BCHE: variants seen among roughly 807,000 people sequenced by gnomAD.
The protein encoded by BCHE is butyrylcholinesterase, also known as cholinesterase.
In BCHE, 48 loss-of-function variants were observed where a neutral mutation model predicts 51.3. That is an observed-to-expected ratio of 0.94 (90% CI 0.74 to 1.19). The LOEUF (loss-of-function observed/expected upper bound fraction) is 1.19. BCHE is among the 50% of genes most tolerant of loss of function. The probability of loss-of-function intolerance (pLI) is 0.00; values close to 1 mark genes in which losing one functional copy is unlikely to be tolerated. For missense variants in BCHE, 847 were observed against 708.2 expected (o/e 1.20, Z -2.23); for synonymous variants, 251 against 238.0 (o/e 1.05, Z -0.50).
At chr3:165,808,803 T>A (rs1364510127) in intron 2 of BCHE, among the ~76,000 whole-genome samples, 2 of 152,116 alleles carry the variant, frequency 1.3e-5, no homozygotes, top group African/African-American at 4.8e-5. Flanking sequence ...GTGGTTACTT[T>A]ATTTCTGACA....
At chr3:165,791,054 T>C (rs570733459) in intron 2 of BCHE, among the ~76,000 whole-genome samples, 13 of 152,202 alleles carry the variant, frequency 8.5e-5, no homozygotes, top group African/African-American at 2.6e-4. Flanking sequence ...TCCAGCACTT[T>C]GGGAGGCCGA....
intron 2 of BCHE, among the ~76,000 whole-genome samples, chr3:165,827,785 A>G (rs1258353991): frequency 1.3e-5 from 2 of 152,136 alleles, no homozygotes; most frequent in East Asian, 3.8e-4. Context: ...TAATTCTAAT[A>G]CACCTCTAAA....
Position 165,830,617 on chromosome 3 carries a change from T to C in BCHE, c.417A>G (p.Ile139Met), listed in dbSNP as rs1714934216. The part of the protein sequence containing the change: ...APKPKNATVL[I>M]WIYGGGFQTG... Reference sequence around the variant, plus strand: ...TTTGAAAACCACCACCATAAATCCATATCAATACAGTGGCATTTTTTGGTT... The same window carrying C: ...TTTGAAAACCACCACCATAAATCCACATCAATACAGTGGCATTTTTTGGTT... The change falls in exon 2 of 4, where the codon ATA (isoleucine) becomes ATG (methionine). Residue 139 changes from isoleucine (I) to methionine (M), a missense_variant. Coordinates refer to ENST00000264381, the MANE Select transcript of BCHE (RefSeq NM_000055.4). 1 of 1,613,846 alleles carries C rather than the reference T, an allele frequency of 6.2e-7. No individual in the cohort carries two copies. Among genetic ancestry groups the C allele is most frequent in the Non-Finnish European group, 8.5e-7 (1 of 1,179,948 alleles).
At chr3:165,811,913 C>T (rs1474043641) in intron 2 of BCHE, among the ~76,000 whole-genome samples, 1 of 151,958 alleles carries the variant, frequency 6.6e-6, no homozygotes, top group Non-Finnish European at 1.5e-5. Context: ...AAGCCCATTT[C>T]AAAGCATATC....
intron 2 of BCHE, among the ~76,000 whole-genome samples, chr3:165,824,419 A>G (rs549050097): frequency 6.6e-6 from 1 of 152,130 alleles, no homozygotes; most frequent in African/African-American, 2.4e-5. Context: ...AATTTCCTAA[A>G]TTTGACGAAG....
At chr3:165,790,170 G>T (rs1283318620) in intron 2 of BCHE, among the ~76,000 whole-genome samples, 4 of 152,080 alleles carry the variant, frequency 2.6e-5, no homozygotes, top group African/African-American at 9.7e-5. Flanking sequence ...GAGACTTTTA[G>T]CCATGTGATA....
intron 2 of BCHE, among the ~76,000 whole-genome samples, chr3:165,797,898 A>G (rs1713481750): frequency 6.6e-6 from 1 of 152,160 alleles, no homozygotes; most frequent in Non-Finnish European, 1.5e-5. Context: ...GGGAAATAAT[A>G]CTCCAAGAAA....
chr3:165,821,277 G>T (rs778991685), intron 2 of BCHE, among the ~76,000 whole-genome samples: 2 of 151,462 alleles, frequency 1.3e-5, no homozygotes, highest in African/African-American at 2.4e-5. Context: ...TTAATTTCTT[G>T]GTGAAGGGAT....
intron 3 of BCHE, among the ~76,000 whole-genome samples, chr3:165,781,975 T>A (rs967706088): frequency 1.3e-5 from 2 of 152,158 alleles, no homozygotes; most frequent in Non-Finnish European, 2.9e-5. Flanking sequence ...CAACTCATAT[T>A]GTTGACCTGA....
chr3:165,834,684 G>C (rs373893829), intron 1 of BCHE, among the ~76,000 whole-genome samples: 2 of 151,686 alleles, frequency 1.3e-5, no homozygotes, highest in Admixed American at 1.3e-4. Flanking sequence ...TTGAGCAATC[G>C]AAAGAGAAAT....
chr3:165,824,016 G>C (rs538782710), intron 2 of BCHE, among the ~76,000 whole-genome samples: 11 of 150,820 alleles, frequency 7.3e-5, no homozygotes, highest in Admixed American at 7.3e-4. Flanking sequence ...GCTTCAAGCA[G>C]TCCTCCTGCC....
chr3:165,784,849 A>C (rs3796266), intron 3 of BCHE, among the ~76,000 whole-genome samples: 1 of 151,852 alleles, frequency 6.6e-6, no homozygotes, highest in East Asian at 1.9e-4. Flanking sequence ...ATAAAGATTA[A>C]TAATATATAG....
chr3:165,782,349 A>AT (rs1391583057), intron 3 of BCHE, among the ~76,000 whole-genome samples: 2 of 152,088 alleles, frequency 1.3e-5, no homozygotes, highest in Non-Finnish European at 2.9e-5. Context: ...ATGGGAATCA[A>AT]TTTTTTGTTT....
chr3:165,802,971 G>A (rs1179107048), intron 2 of BCHE, among the ~76,000 whole-genome samples: 1 of 151,984 alleles, frequency 6.6e-6, no homozygotes, highest in East Asian at 1.9e-4. Flanking sequence ...TTGATCTCCT[G>A]ACCTCGTGAT....
chr3:165,777,924 A>G (rs2108195473), intron 3 of BCHE: 2 of 205,154 alleles, frequency 9.7e-6, no homozygotes. Context: ...TTATAATAAT[A>G]TAGCATATAA....
At chr3:165,780,759 CA>C (rs1712664876) in intron 3 of BCHE, among the ~76,000 whole-genome samples, 1 of 152,088 alleles carries the variant, frequency 6.6e-6, no homozygotes, top group East Asian at 1.9e-4. Context: ...AGTCAAGAAA[CA>C]ATAGATGCTG....
intron 2 of BCHE, 145 bp downstream of exon 2, chr3:165,829,372 A>G: frequency 1.3e-6 from 1 of 765,278 alleles, no homozygotes; most frequent in Non-Finnish European, 2.2e-6. Flanking sequence ...TTCATAAGAA[A>G]AAATAAAACC....
At position 165,830,466 on chromosome 3, in the gene BCHE, C is replaced by A. The variant is rs1360332028; in HGVS notation, c.568G>T (p.Ala190Ser). Residue 190 changes from alanine to serine, a missense_variant, in exon 2 of 4, where the codon GCT becomes TCT. Transcript: ENST00000264381. ...TCAAATAAACCCATGTTCCCTGGAG[C>A]CTCAGGATTTCCTGGCAAAGCTAAG... ...GFLALPGNPE[A>S]PGNMGLFDQQ... 6.2e-7 allele frequency: 1 copy of A among 1,613,576 alleles called. No individual in the cohort carries two copies. The highest frequency in any genetic ancestry group is 2.2e-5 in the East Asian group (1 of 44,878).
At chr3:165,825,444 A>G (rs1431843747) in intron 2 of BCHE, among the ~76,000 whole-genome samples, 29 of 152,018 alleles carry the variant, frequency 1.9e-4, no homozygotes, top group Non-Finnish European at 3.4e-4. Flanking sequence ...TATTTATTTG[A>G]TAAGATGGAA....
Sources: allele counts gnomAD v4.1 joint callset (sites outside exome capture counted in the v4.1 genomes callset), GRCh38; gene constraint gnomAD v4.1.1; transcripts MANE v1.5; gene names NCBI Gene and HGNC (gene_info 2026-07-23, HGNC 2026-07-21).